Variants in RBFOX3 observed in about 807,000 individuals in gnomAD.
RBFOX3 encodes the protein RNA binding fox-1 homolog 3.
Under a neutral mutation model 48.7 loss-of-function variants are expected in RBFOX3, and 17 were observed. The ratio of observed to expected loss-of-function variants is 0.35; its 90% CI spans 0.24 to 0.52. The LOEUF (loss-of-function observed/expected upper bound fraction) is 0.52. Ranked by LOEUF, RBFOX3 falls within the 20% of genes least tolerant of loss-of-function variation. The pLI is 0.94. For missense variants in RBFOX3, 382 were observed against 497.5 expected (o/e 0.77, Z 2.21); for synonymous variants, 212 against 209.5 (o/e 1.01, Z -0.10).
In RBFOX3 at chr17:79,363,378, C is replaced by G. The variant is rs1048497775; in HGVS notation, c.-174-55554G>C. Among the ~76,000 whole-genome samples, 1 of 152,114 alleles carries G rather than the reference C, an allele frequency of 6.6e-6. No homozygotes were observed. Among genetic ancestry groups the G allele is most frequent in the African/African-American group, 2.4e-5 (1 of 41,402 alleles). The stretch of plus-strand genomic sequence containing the variant: ...AGGATTCCTGGGATACCCAGGAAGT[C>G]TGTGGGCTGTTCCCTCTGGAAATAG... On this transcript the variant is annotated intron_variant, in intron 2 of 14. Coordinates refer to ENST00000693108, the MANE Select transcript of RBFOX3 (RefSeq NM_001350451.2). The surrounding 1 kb of genome is among the most constrained non-coding windows in gnomAD (Gnocchi z 4.7).
intron 2 of RBFOX3, among the ~76,000 whole-genome samples, chr17:79,455,516 G>C (rs533914861): frequency 6.6e-6 from 1 of 152,244 alleles, no homozygotes; most frequent in South Asian, 2.1e-4. Context: ...AGATGCCACG[G>C]GGCCCGTGAA....
At chr17:79,600,725 T>C (rs1402555200) in intron 1 of RBFOX3, 6 of 151,956 alleles carry the variant, frequency 3.9e-5, no homozygotes, top group Admixed American at 3.3e-4. Flanking sequence ...AGCTCAGCCG[T>C]CTAAGTGGAG....
chr17:79,435,015 C>T (rs67452641), intron 2 of RBFOX3, among the ~76,000 whole-genome samples: 80,318 of 151,682 alleles, frequency 0.53, 22,370 homozygotes, highest in Non-Finnish European at 0.63. Flanking sequence ...GGTAACATCA[C>T]GAAAAATACA....
chr17:79,552,707 T>A (rs961392814), intron 1 of RBFOX3, among the ~76,000 whole-genome samples: 119 of 152,350 alleles, frequency 7.8e-4, no homozygotes, highest in African/African-American at 2.8e-3. Flanking sequence ...TAAAAAATGT[T>A]CTTCAGGATT....
intron 1 of RBFOX3, among the ~76,000 whole-genome samples, chr17:79,498,862 A>T (rs1412589757): frequency 2.5e-5 from 3 of 118,974 alleles, no homozygotes; most frequent in Non-Finnish European, 5.2e-5. Flanking sequence ...ACATCTACCC[A>T]TTCGCTCATC....
At chr17:79,295,403 T>G (rs556738435) in intron 3 of RBFOX3, among the ~76,000 whole-genome samples, 1 of 152,130 alleles carries the variant, frequency 6.6e-6, no homozygotes, top group Non-Finnish European at 1.5e-5. Flanking sequence ...ATGCACAACC[T>G]GGCAAGGTGA....
chr17:79,196,367 C>T (rs992813877), intron 4 of RBFOX3, among the ~76,000 whole-genome samples: 1 of 152,174 alleles, frequency 6.6e-6, no homozygotes, highest in African/African-American at 2.4e-5. Context: ...CCCGACCACC[C>T]GTGGGACTCT....
At chr17:79,484,281 C>T in intron 1 of RBFOX3, among the ~76,000 whole-genome samples, 1 of 152,228 alleles carries the variant, frequency 6.6e-6, no homozygotes, top group East Asian at 1.9e-4. Flanking sequence ...AAGAGCAGAA[C>T]CAGCATCACA....
At chr17:79,562,074 C>T (rs2092257975) in intron 1 of RBFOX3, among the ~76,000 whole-genome samples, 1 of 152,244 alleles carries the variant, frequency 6.6e-6, no homozygotes, top group South Asian at 2.1e-4. Context: ...CAGACCAGTA[C>T]GTCTGTGACA....
intron 4 of RBFOX3, among the ~76,000 whole-genome samples, chr17:79,130,930 G>A (rs886644478): frequency 6.6e-6 from 1 of 152,262 alleles, no homozygotes; most frequent in Non-Finnish European, 1.5e-5. Flanking sequence ...CACGGTGCGC[G>A]GGAATCAGCC....
intron 4 of RBFOX3, among the ~76,000 whole-genome samples, chr17:79,178,659 C>G (rs1483176514): frequency 3.3e-5 from 5 of 152,198 alleles, no homozygotes; most frequent in Admixed American, 3.3e-4. Context: ...GAAGAACCCA[C>G]AAATGTAACC....
rs1228086167 is a variant in RBFOX3 at position 79,252,455 on chromosome 17, C to G, written c.-73-16650G>C. Among the ~76,000 whole-genome samples, 2 of 152,198 alleles carry G rather than the reference C, an allele frequency of 1.3e-5. No homozygotes were observed. Among genetic ancestry groups the G allele is most frequent in the Non-Finnish European group, 2.9e-5 (2 of 68,034 alleles). On this transcript the variant is annotated intron_variant, in intron 3 of 14. Coordinates refer to ENST00000693108, the MANE Select transcript of RBFOX3 (RefSeq NM_001350451.2). This position sits in a 1 kb window ranked among gnomAD's most constrained non-coding sequence, Gnocchi z 4.0. Reference sequence around the variant, plus strand: ...TGGGGTCCACTCTGACCCTCCCTCTCTTCCTCCCCCATCCTCCAATCCATC... The same window carrying G: ...TGGGGTCCACTCTGACCCTCCCTCTGTTCCTCCCCCATCCTCCAATCCATC...
intron 2 of RBFOX3, among the ~76,000 whole-genome samples, chr17:79,340,322 A>C (rs12947130): frequency 0.67 from 96,332 of 144,696 alleles, 32,291 homozygotes; most frequent in East Asian, 0.78. Flanking sequence ...AAAAACAAAA[A>C]CAAAACTCTC....
intron 3 of RBFOX3, among the ~76,000 whole-genome samples, chr17:79,251,361 G>A (rs192580492): frequency 3.9e-5 from 6 of 152,180 alleles, no homozygotes; most frequent in Middle Eastern, 3.4e-3. Context: ...CTCCTCTACC[G>A]CTGCCCCTCC....
chr17:79,155,521 A>G (rs1952336305), intron 4 of RBFOX3, among the ~76,000 whole-genome samples: 1 of 152,238 alleles, frequency 6.6e-6, no homozygotes, highest in Admixed American at 6.5e-5. Context: ...CTTCATGTAT[A>G]TTTCAGAGTA....
At chr17:79,115,357 G>T in intron 5 of RBFOX3, 137 bp downstream of exon 5, 1 of 474,132 alleles carries the variant, frequency 2.1e-6, no homozygotes, top group Non-Finnish European at 3.4e-6. Context: ...TAAAAGGCCT[G>T]CCCTCCACAC....
At chr17:79,406,996 G>A (rs915516817) in intron 2 of RBFOX3, among the ~76,000 whole-genome samples, 17 of 152,146 alleles carry the variant, frequency 1.1e-4, no homozygotes, top group South Asian at 4.1e-4. Context: ...ACCAACGTCC[G>A]TGCATGCTTG....
Position 79,577,362 on chromosome 17 carries a change from C to A in RBFOX3, c.-320+33464G>T, listed in dbSNP as rs1337313094. Among the ~76,000 whole-genome samples, 4 of 152,228 alleles carry A rather than the reference C, an allele frequency of 2.6e-5. No individual in the cohort carries two copies. In the East Asian group the frequency reaches 7.7e-4, roughly 29 times the overall value. ...CACCCTCCATGGGGAAGCAACGAGG[C>A]CCTGAAGATGGAAGAAAGTGAGCAA... is the stretch of plus-strand genomic sequence containing the variant. On this transcript the variant is annotated intron_variant, in intron 1 of 14. Transcript: ENST00000693108.
At chr17:79,393,193 T>C (rs919610740) in intron 2 of RBFOX3, among the ~76,000 whole-genome samples, 4 of 152,368 alleles carry the variant, frequency 2.6e-5, no homozygotes, top group Admixed American at 2.6e-4. Context: ...AAAACCTTTA[T>C]GGAGACGGAT....
Sources: allele counts gnomAD v4.1 joint callset (sites outside exome capture counted in the v4.1 genomes callset), GRCh38; gene constraint gnomAD v4.1.1; non-coding constraint Gnocchi (gnomAD v3.1); transcripts MANE v1.5; gene names NCBI Gene and HGNC (gene_info 2026-07-23, HGNC 2026-07-21).